The following FBXO9 variants were observed in gnomAD, a reference collection of about 807,000 sequenced individuals.
FBXO9 encodes F-box protein 9, also known as F-box only protein 9.
FBXO9 carries 43 observed loss-of-function variants against 63.7 expected under a neutral mutation model. The observed-to-expected ratio is 0.67, with a 90% CI of 0.53 to 0.87. The LOEUF is 0.87. FBXO9 is among the 40% of genes least tolerant of loss of function. The pLI, the probability that FBXO9 is intolerant of heterozygous loss-of-function variation, is 0.00. For missense variants in FBXO9, 442 were observed against 533.2 expected, an observed-to-expected ratio of 0.83 and a Z score of 1.68; for synonymous variants, 156 against 171.7, an observed-to-expected ratio of 0.91 and a Z score of 0.72.
chr6:53,067,700 TGAG>T (rs961027801), intron 1 of FBXO9, among the ~76,000 whole-genome samples: 5 of 152,154 alleles, frequency 3.3e-5, no homozygotes, highest in Admixed American at 6.5e-5. Context: ...AGCAGACTCT[TGAG>T]AAGAGAGAGA....
At position 53,071,135 on chromosome 6, in the gene FBXO9, G is replaced by T; in HGVS notation, c.82G>T (p.Asp28Tyr). ...DEENESPAET[D>Y]LQAQLQMFRA... Reference sequence around the variant, plus strand: ...AGAAAATGAAAGTCCTGCTGAAACAGATCTGCAGGCATGTTTCTTCAATTG... The same window carrying T: ...AGAAAATGAAAGTCCTGCTGAAACATATCTGCAGGCATGTTTCTTCAATTG... Residue 28 changes from aspartate (D) to tyrosine (Y), a missense_variant, in exon 2 of 13, where the codon GAT (aspartate) becomes TAT (tyrosine). Coordinates refer to ENST00000323557, the MANE Select transcript of FBXO9 (RefSeq NM_033480.3). The T allele has an allele frequency of 6.4e-7, 1 of 1,558,004 alleles. No homozygotes were observed. Among genetic ancestry groups the T allele is most frequent in the Non-Finnish European group, 8.7e-7 (1 of 1,149,236 alleles).
intron 7 of FBXO9, among the ~76,000 whole-genome samples, chr6:53,088,895 T>C (rs534408479): frequency 6.6e-6 from 1 of 150,560 alleles, no homozygotes; most frequent in East Asian, 2.0e-4. Context: ...CCACCGCACC[T>C]GGCCCTAGTG....
chr6:53,069,432 A>G (rs1490455101), intron 1 of FBXO9, among the ~76,000 whole-genome samples: 1 of 152,232 alleles, frequency 6.6e-6, no homozygotes, highest in East Asian at 1.9e-4. Context: ...AGACTCAATT[A>G]TGTTTGGAAC....
At position 53,076,476 on chromosome 6, in the gene FBXO9, A is replaced by G. The variant is rs746080393; in HGVS notation, c.250-10A>G. 1 of 1,525,174 alleles carries G rather than the reference A, an allele frequency of 6.6e-7. No individual in the cohort carries two copies. Among genetic ancestry groups the G allele is most frequent in the Non-Finnish European group, 8.7e-7 (1 of 1,143,538 alleles). 94.5% of individuals were successfully genotyped at this position (1,525,174 alleles called of 1,614,324 possible). A position where few individuals can be genotyped will look rare whatever the true frequency, so the allele number is the denominator to read the frequency against. On this transcript the variant is annotated splice_polypyrimidine_tract_variant and intron_variant, in intron 3 of 12. Transcript: ENST00000323557. ...AGGTTTTCAAAAATTTTTACTTTAT[A>G]TTTTTATAGGCTCGAGAACTCTTCC... is the stretch of plus-strand genomic sequence containing the variant.
chr6:53,094,794 C>A, intron 11 of FBXO9: 1 of 436,766 alleles, frequency 2.3e-6, no homozygotes, highest in Admixed American at 2.5e-5. Flanking sequence ...CAGCAGCAGC[C>A]TGAGAGACAG....
At chr6:53,094,123 G>C (rs1026742825) in intron 11 of FBXO9, 145 bp downstream of exon 11, 1 of 430,222 alleles carries the variant, frequency 2.3e-6, no homozygotes, top group Non-Finnish European at 4.1e-6. Flanking sequence ...AGCAATCACT[G>C]AAGAAAGCTG....
intron 5 of FBXO9, among the ~76,000 whole-genome samples, chr6:53,080,243 C>T (rs1225301577): frequency 6.6e-6 from 1 of 151,078 alleles, no homozygotes; most frequent in Admixed American, 6.6e-5. Flanking sequence ...GCCATTGAGT[C>T]CATCTAGCCT....
rs1282837714 is a variant in FBXO9, at chr6:53,095,468, G to A, written c.1054-45G>A. 3 of 1,525,872 alleles carry A rather than the reference G, an allele frequency of 2.0e-6. No homozygotes were observed. The South Asian group carries it at 3.8e-5, about 19-fold the overall frequency. 94.5% of individuals were successfully genotyped at this position (1,525,872 alleles called of 1,614,324 possible). Reference sequence around the variant, plus strand: ...GCATACTATTTCTGTAAACATAGAAGTGAGGTAAGGTTTCATTATAACTTA... The same window carrying A: ...GCATACTATTTCTGTAAACATAGAAATGAGGTAAGGTTTCATTATAACTTA... On this transcript the variant is annotated intron_variant, in intron 11 of 12. Transcript: ENST00000323557.
intron 1 of FBXO9, chr6:53,066,059 G>C: frequency 1.6e-6 from 2 of 1,219,550 alleles, no homozygotes; most frequent in East Asian, 3.3e-5. Flanking sequence ...CAGGACAGCC[G>C]GGGAAAATGT....
At chr6:53,079,650 G>T (rs1369608497) in intron 5 of FBXO9, among the ~76,000 whole-genome samples, 2 of 152,088 alleles carry the variant, frequency 1.3e-5, no homozygotes, top group African/African-American at 4.8e-5. Context: ...TAGAAGAGAA[G>T]GGAGTCTGTA....
At chr6:53,067,873 CT>C in intron 1 of FBXO9, 1 of 152,276 alleles carries the variant, frequency 6.6e-6, no homozygotes, top group South Asian at 2.1e-4. Flanking sequence ...AGAAATTCAT[CT>C]GAGTTCTTGA....
chr6:53,073,737 G>A (rs556867580), intron 3 of FBXO9, 98 bp downstream of exon 3: 98 of 1,024,390 alleles, frequency 9.6e-5, no homozygotes, highest in Non-Finnish European at 1.1e-4. Flanking sequence ...CCAGACTTTC[G>A]GGACATAAAC....
In FBXO9 at chr6:53,087,394, C is replaced by G. The variant is rs148706598; in HGVS notation, c.653+4776C>G. ...AAACATTTCAGTGTCAGGCTATTAACAGCAGAGCTAGAACTGGAGGGAAAA... is the reference window on the plus strand; with the variant it reads ...AAACATTTCAGTGTCAGGCTATTAAGAGCAGAGCTAGAACTGGAGGGAAAA... On this transcript the variant is annotated intron_variant, in intron 7 of 12. Transcript: ENST00000323557. Among the ~76,000 whole-genome samples, 552 of 137,322 alleles carry G rather than the reference C, an allele frequency of 4.0e-3. 1 individual carries two copies. The highest frequency in any genetic ancestry group is 6.6e-3 in the Non-Finnish European group (418 of 63,626). The allele number at this position is 137,322 out of a possible 152,430, so 90.1% of individuals were successfully genotyped here. A position where few individuals can be genotyped will look rare whatever the true frequency, so the allele number is the denominator to read the frequency against.
intron 12 of FBXO9, 132 bp downstream of exon 12, chr6:53,095,796 A>G (rs1763194446): frequency 2.5e-6 from 2 of 794,594 alleles, no homozygotes; most frequent in African/African-American, 1.8e-5. Flanking sequence ...GTACTACTAC[A>G]AACTACTACA....
At chr6:53,066,556 C>T (rs1768706555) in intron 1 of FBXO9, among the ~76,000 whole-genome samples, 1 of 152,202 alleles carries the variant, frequency 6.6e-6, no homozygotes, top group Admixed American at 6.5e-5. Flanking sequence ...TAATTCCAAA[C>T]GATTTAATTT....
In FBXO9 at chr6:53,065,741, C is replaced by CA. The variant is rs760442185; in HGVS notation, c.-48dup. On this transcript the variant is annotated 5_prime_UTR_variant, in exon 1 of 13. Coordinates refer to ENST00000323557, the MANE Select transcript of FBXO9 (RefSeq NM_033480.3). ...AGCACCCCTCCTCCGGGGGGCGGTG[C>CA]AGAGGGGGCACGGAGAGCCCCTCGA... is the stretch of plus-strand genomic sequence containing the variant. 7.0e-7 allele frequency: 1 copy of CA among 1,423,288 alleles called. No homozygotes were observed. The highest frequency in any genetic ancestry group is 1.4e-5 in the South Asian group (1 of 70,798). The allele number at this position is 1,423,288 out of a possible 1,614,324, so 88.2% of individuals were successfully genotyped here. A position where few individuals can be genotyped will look rare whatever the true frequency, so the allele number is the denominator to read the frequency against.
chr6:53,070,192 G>C (rs1394385816), intron 1 of FBXO9, among the ~76,000 whole-genome samples: 1 of 151,144 alleles, frequency 6.6e-6, no homozygotes, highest in East Asian at 1.9e-4. Context: ...CTGATTTTTT[G>C]TATTTTTAGT....
chr6:53,070,950 G>T, intron 1 of FBXO9, 107 bp from the exon 2 acceptor site: 1 of 1,507,604 alleles, frequency 6.6e-7, no homozygotes. Context: ...TCCACAAAGT[G>T]TTGACAGTAT....
At chr6:53,086,010 G>A (rs1226837811) in intron 7 of FBXO9, among the ~76,000 whole-genome samples, 1 of 152,168 alleles carries the variant, frequency 6.6e-6, no homozygotes, top group African/African-American at 2.4e-5. Context: ...TTAGCCGGGC[G>A]TGGTGGCTCA....
Sources: gnomAD v4.1 joint callset for allele counts (sites outside exome capture counted in the v4.1 genomes callset) on GRCh38, gnomAD v4.1.1 for gene constraint, MANE v1.5 for transcripts, NCBI Gene and HGNC (gene_info 2026-07-23, HGNC 2026-07-21) for gene names.